Variants in SH3RF1 observed in about 807,000 individuals in gnomAD.
SH3RF1 encodes the protein E3 ubiquitin-protein ligase SH3RF1.
In SH3RF1, 32 loss-of-function variants were observed where a neutral mutation model predicts 74.0. The ratio of observed to expected loss-of-function variants is 0.43; its 90% confidence interval spans 0.33 to 0.58. SH3RF1 has a LOEUF of 0.58. Among genes scored for constraint, SH3RF1 ranks in the 20% least tolerant of loss-of-function variants. The probability of loss-of-function intolerance (pLI) is 0.05; values close to 1 mark genes in which losing one functional copy is unlikely to be tolerated. For synonymous variants in SH3RF1, 396 were observed against 439.6 expected (o/e 0.90, Z 1.24); for missense variants, 954 against 1,130.9 (o/e 0.84, Z 2.24).
Position 169,096,393 on chromosome 4 carries a change from G to A in SH3RF1, c.*126C>T. The A allele has an allele frequency of 2.0e-6, 2 of 985,370 alleles. No homozygotes were observed. Among genetic ancestry groups the A allele is most frequent in the Non-Finnish European group, 3.0e-6 (2 of 662,778 alleles). The allele number at this position is 985,370 out of a possible 1,614,324, so 61.0% of individuals were successfully genotyped here. A position where few individuals can be genotyped will look rare whatever the true frequency, so the allele number is the denominator to read the frequency against. On this transcript the variant is annotated 3_prime_UTR_variant, in exon 12 of 12. Coordinates refer to ENST00000284637, the MANE Select transcript of SH3RF1 (RefSeq NM_020870.4). Reference sequence around the variant, plus strand: ...GGGGTAACTGTGCTGGGGCATCAGAGTCACATACCAATCCTTTGCTCATCT... The same window carrying A: ...GGGGTAACTGTGCTGGGGCATCAGAATCACATACCAATCCTTTGCTCATCT...
intron 2 of SH3RF1, among the ~76,000 whole-genome samples, chr4:169,175,531 T>C (rs1734405802): frequency 1.3e-5 from 2 of 152,194 alleles, no homozygotes; most frequent in Non-Finnish European, 2.9e-5. Context: ...TACAGGCTTA[T>C]TCCTAATCAT....
intron 4 of SH3RF1, among the ~76,000 whole-genome samples, chr4:169,145,158 A>G (rs1349381933): frequency 1.3e-5 from 2 of 152,234 alleles, no homozygotes; most frequent in East Asian, 3.8e-4. Context: ...CACTATTCAC[A>G]ATAGCAAAGT....
chr4:169,202,624 C>T (rs1734929320), intron 2 of SH3RF1, among the ~76,000 whole-genome samples: 1 of 152,216 alleles, frequency 6.6e-6, no homozygotes. Context: ...TAAATACCTA[C>T]CTTCAGAAAC....
chr4:169,173,564 C>T (rs1579119358), intron 2 of SH3RF1, among the ~76,000 whole-genome samples: 7 of 152,274 alleles, frequency 4.6e-5, no homozygotes, highest in Admixed American at 4.6e-4. Flanking sequence ...AGTATGATTT[C>T]ACCTTAAGTG....
chr4:169,139,450 A>C (rs973412676), intron 4 of SH3RF1, among the ~76,000 whole-genome samples: 4 of 152,150 alleles, frequency 2.6e-5, no homozygotes, highest in Non-Finnish European at 5.9e-5. Context: ...TCTTTCTTTT[A>C]AATTGCTGTG....
Position 169,130,145 on chromosome 4 carries a change from A to G in SH3RF1, c.1080T>C (p.Ser360=). 6.4e-7 allele frequency: 1 copy of G among 1,574,052 alleles called. No homozygotes were observed. The highest frequency in any genetic ancestry group is 8.6e-7 in the Non-Finnish European group (1 of 1,167,638). The change falls in exon 6 of 12, where the codon AGT becomes AGC. Residue 360 remains serine (S), a synonymous_variant. Transcript: ENST00000284637. ...GCGGGGTCACAATTAACCCGGTGGT[A>G]CTTATATGAACCTGCCGAGAAAAGA... is the stretch of plus-strand genomic sequence containing the variant. ...SCSAPSQVHI[S]TTGLIVTPPP...
chr4:169,120,875 G>A lies in SH3RF1; in HGVS notation c.1461C>T (p.Ser487=). The change falls in exon 8 of 12, where the codon TCC becomes TCT. Residue 487 remains serine (S), a synonymous_variant. Coordinates refer to ENST00000284637, the MANE Select transcript of SH3RF1 (RefSeq NM_020870.4). ...RCQDGWFKGT[S]MHTSKIGVFP... is the part of the protein sequence containing the mutation. The stretch of plus-strand genomic sequence containing the variant: ...AAACCCCTATCTTGCTGGTATGCAT[G>A]GATGTCCCTTTGAACCAGCCATCCT... 6.2e-7 allele frequency: 1 copy of A among 1,614,194 alleles called. No homozygotes were observed. Among genetic ancestry groups the A allele is most frequent in the Non-Finnish European group, 8.5e-7 (1 of 1,180,034 alleles).
intron 11 of SH3RF1, among the ~76,000 whole-genome samples, chr4:169,102,793 G>A (rs1161313745): frequency 6.6e-6 from 1 of 151,822 alleles, no homozygotes; most frequent in Non-Finnish European, 1.5e-5. Flanking sequence ...AATTCTCTCT[G>A]CTGACACCAA....
intron 2 of SH3RF1, among the ~76,000 whole-genome samples, chr4:169,162,167 G>T (rs1734160160): frequency 6.6e-6 from 1 of 151,792 alleles, no homozygotes; most frequent in African/African-American, 2.4e-5. Flanking sequence ...AGAAAAAAAA[G>T]TAAAAAAAAA....
At chr4:169,107,839 C>T (rs1190455341) in intron 10 of SH3RF1, among the ~76,000 whole-genome samples, 2 of 152,190 alleles carry the variant, frequency 1.3e-5, no homozygotes, top group Non-Finnish European at 2.9e-5. Context: ...GAAGTCAAAC[C>T]ACATCTCCCT....
chr4:169,259,184 T>C (rs965772302), intron 2 of SH3RF1, among the ~76,000 whole-genome samples: 2 of 152,164 alleles, frequency 1.3e-5, no homozygotes, highest in Non-Finnish European at 2.9e-5. Context: ...AAAATAATAA[T>C]AATAATAATT....
intron 2 of SH3RF1, chr4:169,201,964 T>A (rs1454203965): frequency 1.3e-5 from 2 of 152,196 alleles, no homozygotes; most frequent in Non-Finnish European, 2.9e-5. Context: ...CTCTGACAGC[T>A]ATGAGAGAGG....
chr4:169,246,745 G>T (rs1730999926), intron 2 of SH3RF1, among the ~76,000 whole-genome samples: 2 of 152,206 alleles, frequency 1.3e-5, no homozygotes, highest in African/African-American at 4.8e-5. Flanking sequence ...TTTTAAGAAA[G>T]ACACAAACTT....
At chr4:169,186,940 G>C (rs1212585159) in intron 2 of SH3RF1, among the ~76,000 whole-genome samples, 2 of 151,248 alleles carry the variant, frequency 1.3e-5, no homozygotes, top group Non-Finnish European at 2.9e-5. Flanking sequence ...TGCGAAGCCA[G>C]GAGGCGGGGC....
At chr4:169,156,283 A>T in intron 3 of SH3RF1, 121 bp downstream of exon 3, 1 of 1,102,182 alleles carries the variant, frequency 9.1e-7, no homozygotes, top group Non-Finnish European at 1.3e-6. Flanking sequence ...TCAGAAGCAT[A>T]GTGAGTAGTT....
At chr4:169,156,308 ATT>A (rs35455310) in intron 3 of SH3RF1, 94 bp downstream of exon 3, 27 of 1,346,354 alleles carry the variant, frequency 2.0e-5, no homozygotes, top group Non-Finnish European at 2.5e-5. Flanking sequence ...CAAAACTTGT[ATT>A]TTTTTTTGCA....
chr4:169,205,462 T>C (rs947331676), intron 2 of SH3RF1, among the ~76,000 whole-genome samples: 1 of 152,188 alleles, frequency 6.6e-6, no homozygotes, highest in Non-Finnish European at 1.5e-5. Flanking sequence ...TAATAACTGA[T>C]TTTGTAAAAA....
At chr4:169,176,258 C>A (rs965378383) in intron 2 of SH3RF1, among the ~76,000 whole-genome samples, 1 of 152,184 alleles carries the variant, frequency 6.6e-6, no homozygotes, top group African/African-American at 2.4e-5. Flanking sequence ...TGGGGAGCAG[C>A]CTGGATGGAT....
chr4:169,248,858 T>C (rs2110742975), intron 2 of SH3RF1, among the ~76,000 whole-genome samples: 1 of 152,274 alleles, frequency 6.6e-6, no homozygotes, highest in African/African-American at 2.4e-5. Flanking sequence ...TGGTGATTCC[T>C]GTGCTATGGT....
Sources: allele counts gnomAD v4.1 joint callset (sites outside exome capture counted in the v4.1 genomes callset), GRCh38; gene constraint gnomAD v4.1.1; transcripts MANE v1.5; gene names NCBI Gene and HGNC (gene_info 2026-07-23, HGNC 2026-07-21).